Variants in ZFPM2 observed in about 807,000 individuals in gnomAD.
The protein encoded by ZFPM2 is zinc finger protein ZFPM2.
In ZFPM2, 20 loss-of-function variants were observed where a neutral mutation model predicts 98.6. The ratio of observed to expected loss-of-function variants is 0.20; its 90% CI spans 0.14 to 0.29. The LOEUF is 0.29. Among genes scored for constraint, ZFPM2 ranks in the 10% least tolerant of loss-of-function variants. ZFPM2 has a pLI of 1.00. For synonymous variants in ZFPM2, 518 were observed against 502.7 expected (o/e 1.03, Z -0.41); for missense variants, 1,310 against 1,388.6 (o/e 0.94, Z 0.90).
At chr8:105,602,329 C>T (rs144543078) in intron 4 of ZFPM2, among the ~76,000 whole-genome samples, 607 of 152,078 alleles carry the variant, frequency 4.0e-3, no homozygotes, top group Non-Finnish European at 7.1e-3. Flanking sequence ...TCTGTGGATG[C>T]AAATTACAGG....
chr8:105,455,861 A>G (rs1812579344), intron 3 of ZFPM2, among the ~76,000 whole-genome samples: 1 of 152,162 alleles, frequency 6.6e-6, no homozygotes, highest in Non-Finnish European at 1.5e-5. Context: ...ATCCAAATGG[A>G]GCTGTTGAGT....
At chr8:105,670,326 C>T (rs925231071) in intron 5 of ZFPM2, among the ~76,000 whole-genome samples, 4 of 151,874 alleles carry the variant, frequency 2.6e-5, no homozygotes, top group African/African-American at 7.3e-5. Flanking sequence ...GAAACCCCAT[C>T]TCTACTAAAA....
chr8:105,625,922 G>A (rs1177344383), intron 4 of ZFPM2, among the ~76,000 whole-genome samples: 1 of 150,482 alleles, frequency 6.6e-6, no homozygotes, highest in African/African-American at 2.4e-5. Context: ...GGATCACATG[G>A]AATGGAATGA....
At chr8:105,724,877 A>G (rs1811769520) in intron 5 of ZFPM2, among the ~76,000 whole-genome samples, 1 of 151,654 alleles carries the variant, frequency 6.6e-6, no homozygotes, top group African/African-American at 2.4e-5. Flanking sequence ...TATGTGATTC[A>G]TCTGTGAGTT....
chr8:105,396,392 A>G (rs557495839), intron 1 of ZFPM2, among the ~76,000 whole-genome samples: 1 of 152,282 alleles, frequency 6.6e-6, no homozygotes, highest in African/African-American at 2.4e-5. Flanking sequence ...ATGGGAGTGA[A>G]CACTGTGTAC....
chr8:105,478,077 T>A (rs374223589), intron 3 of ZFPM2, among the ~76,000 whole-genome samples: 35 of 152,336 alleles, frequency 2.3e-4, no homozygotes, highest in African/African-American at 7.9e-4. Flanking sequence ...AAAGCAACAA[T>A]GAGTCATTTG....
chr8:105,365,304 T>C (rs190321540), intron 1 of ZFPM2, among the ~76,000 whole-genome samples: 3 of 152,284 alleles, frequency 2.0e-5, no homozygotes, highest in African/African-American at 4.8e-5. Flanking sequence ...TTTGGAATGG[T>C]GATATAAAAG....
In ZFPM2 at chr8:105,318,488, G is replaced by C. The variant is rs1318595744; in HGVS notation, c.-454G>C. 1.3e-5 allele frequency among the ~76,000 whole-genome samples: 2 copies of C among 149,406 alleles called. No individual in the cohort carries two copies. Among genetic ancestry groups the C allele is most frequent in the East Asian group, 4.1e-4 (2 of 4,904 alleles). ...CGGCGGCGGCGGCGCCGGAGTATCC[G>C]TCCCGCACGCCGGGGCGAGGGGCGA... On this transcript the variant is annotated 5_prime_UTR_variant, in exon 1 of 8. Coordinates refer to ENST00000407775, the MANE Select transcript of ZFPM2 (RefSeq NM_012082.4).
rs60010064 is a variant in ZFPM2 at position 105,426,780 on chromosome 8, T to TAAAAATACA, written c.199+7506_199+7514dup. Among the ~76,000 whole-genome samples, 13 of 149,916 alleles carry TAAAAATACA rather than the reference T, an allele frequency of 8.7e-5. No individual in the cohort carries two copies. In the South Asian group the frequency reaches 1.5e-3, roughly 17 times the overall value. ...GGTCAACATGGTGAAATCCCATCTC[T>TAAAAATACA]AAAAATACAAAAAATACAAAAAATA... On this transcript the variant is annotated intron_variant, in intron 2 of 7. Transcript: ENST00000407775.
intron 1 of ZFPM2, among the ~76,000 whole-genome samples, chr8:105,409,248 T>G (rs1234462611): frequency 6.6e-6 from 1 of 151,874 alleles, no homozygotes; most frequent in Non-Finnish European, 1.5e-5. Flanking sequence ...AAAATTGACA[T>G]ACTGTCCCCT....
chr8:105,711,290 A>G (rs568265004), intron 5 of ZFPM2, among the ~76,000 whole-genome samples: 8 of 152,188 alleles, frequency 5.3e-5, no homozygotes, highest in South Asian at 2.1e-4. Context: ...AGCTATTGCT[A>G]TCTTATATTC....
At chr8:105,405,163 C>G (rs1054913643) in intron 1 of ZFPM2, among the ~76,000 whole-genome samples, 1 of 152,016 alleles carries the variant, frequency 6.6e-6, no homozygotes, top group Non-Finnish European at 1.5e-5. Context: ...GCCAGAACCC[C>G]AGGTAGGACA....
intron 5 of ZFPM2, among the ~76,000 whole-genome samples, chr8:105,781,671 G>T (rs7835881): frequency 1.3e-5 from 2 of 152,048 alleles, no homozygotes; most frequent in African/African-American, 4.8e-5. Context: ...TGAGCTGAGC[G>T]GTGACTGCCA....
chr8:105,389,853 G>A (rs767405191), intron 1 of ZFPM2, among the ~76,000 whole-genome samples: 13 of 152,138 alleles, frequency 8.5e-5, no homozygotes, highest in Non-Finnish European at 1.3e-4. Flanking sequence ...AAAAGGAAGC[G>A]CAGTTATTAG....
chr8:105,426,149 G>C (rs1174775700), intron 2 of ZFPM2, among the ~76,000 whole-genome samples: 1 of 152,182 alleles, frequency 6.6e-6, no homozygotes, highest in East Asian at 1.9e-4. Context: ...AATAAGGAAG[G>C]GGACCTTTAC....
Position 105,803,684 on chromosome 8 carries a change from C to A in ZFPM2, c.*146C>A. ...GAGTTGAAGACTTAAGGTGTAATTT[C>A]ATTACAGTCCATTAGTAAAGTGTAT... On this transcript the variant is annotated 3_prime_UTR_variant, in exon 8 of 8. Coordinates refer to ENST00000407775, the MANE Select transcript of ZFPM2 (RefSeq NM_012082.4). 6.9e-6 allele frequency: 5 copies of A among 729,324 alleles called. No homozygotes were observed. The highest frequency in any genetic ancestry group is 1.1e-5 in the Non-Finnish European group (5 of 449,564). 45.2% of individuals were successfully genotyped at this position (729,324 alleles called of 1,614,324 possible).
intron 5 of ZFPM2, among the ~76,000 whole-genome samples, chr8:105,785,814 G>A (rs1300348713): frequency 2.0e-5 from 3 of 151,990 alleles, no homozygotes; most frequent in South Asian, 2.1e-4. Context: ...AGGCCGAGGC[G>A]GGTGGATCAC....
At chr8:105,687,092 A>C (rs117419324) in intron 5 of ZFPM2, among the ~76,000 whole-genome samples, 4 of 152,088 alleles carry the variant, frequency 2.6e-5, no homozygotes, top group African/African-American at 9.7e-5. Context: ...ATGCTTCTCC[A>C]TGCTGTTTTT....
intron 5 of ZFPM2, among the ~76,000 whole-genome samples, chr8:105,724,116 A>G (rs777461862): frequency 1.7e-4 from 26 of 151,852 alleles, no homozygotes; most frequent in Non-Finnish European, 1.5e-5. Flanking sequence ...AAAAAATCAT[A>G]TTAGATCTAT....
Sources: allele counts gnomAD v4.1 joint callset (sites outside exome capture counted in the v4.1 genomes callset), GRCh38; gene constraint gnomAD v4.1.1; transcripts MANE v1.5; gene names NCBI Gene and HGNC (gene_info 2026-07-23, HGNC 2026-07-21).